Variants in RPP14 observed in about 807,000 individuals in gnomAD.
The protein encoded by RPP14 is ribonuclease P protein subunit p14.
Under a neutral mutation model 17.8 loss-of-function variants are expected in RPP14, and 19 were observed. That is an observed-to-expected ratio of 1.07 (90% CI 0.74 to 1.57). RPP14 has a LOEUF of 1.57. RPP14 is among the 40% of genes most tolerant of loss of function. The pLI, the probability that RPP14 is intolerant of heterozygous loss-of-function variation, is 0.00. For missense variants in RPP14, 125 were observed against 140.8 expected (o/e 0.89, Z 0.57); for synonymous variants, 60 against 56.4 (o/e 1.06, Z -0.29).
At chr3:58,311,347 G>A (rs2097482047) in intron 3 of RPP14, among the ~76,000 whole-genome samples, 1 of 152,190 alleles carries the variant, frequency 6.6e-6, no homozygotes, top group Admixed American at 6.5e-5. Flanking sequence ...TAGAGACAGG[G>A]TTTCGTCATG....
intron 3 of RPP14, among the ~76,000 whole-genome samples, chr3:58,311,772 C>T (rs776299935): frequency 5.9e-5 from 9 of 152,020 alleles, no homozygotes; most frequent in Non-Finnish European, 1.2e-4. Context: ...AGCCACTATG[C>T]CCAGCTGCAC....
intron 1 of RPP14, chr3:58,307,807 G>T (rs561893457): frequency 6.6e-6 from 1 of 151,862 alleles, no homozygotes; most frequent in African/African-American, 2.4e-5. Flanking sequence ...AATTTCCCAG[G>T]TATCCTCTCC....
At chr3:58,314,344 C>T (rs1291144927) in intron 3 of RPP14, among the ~76,000 whole-genome samples, 1 of 152,070 alleles carries the variant, frequency 6.6e-6, no homozygotes, top group African/African-American at 2.4e-5. Flanking sequence ...GAGAGAGACT[C>T]TGTCTCAAAA....
chr3:58,310,191 G>A, intron 1 of RPP14, 118 bp from the exon 2 acceptor site: 1 of 709,642 alleles, frequency 1.4e-6, no homozygotes, highest in Non-Finnish European at 2.4e-6. Flanking sequence ...TAGGTGACAG[G>A]GTGAGACCCT....
Position 58,310,410 on chromosome 3 carries a change from A to G in RPP14, c.77+4A>G. 2 of 1,613,574 alleles carry G rather than the reference A, an allele frequency of 1.2e-6. No homozygotes were observed. The highest frequency in any genetic ancestry group is 1.7e-6 in the Non-Finnish European group (2 of 1,179,556). ...ACCACTACATGAAAGTCTGCCTGTA[A>G]GTTTAGTTTCCTAAGTTCTATTTTA... On this transcript the variant is annotated splice_donor_region_variant and intron_variant, in intron 2 of 5. Coordinates refer to ENST00000295959, the MANE Select transcript of RPP14 (RefSeq NM_007042.6).
intron 1 of RPP14, 163 bp from the exon 2 acceptor site, chr3:58,310,146 G>A: frequency 1.7e-6 from 1 of 592,748 alleles, no homozygotes; most frequent in Non-Finnish European, 3.0e-6. Context: ...GGTGGAGGCT[G>A]CAGTGAACTC....
chr3:58,311,109 T>C (rs2097481742), intron 3 of RPP14, among the ~76,000 whole-genome samples: 1 of 151,546 alleles, frequency 6.6e-6, no homozygotes, highest in South Asian at 2.1e-4. Context: ...ATCACCAATC[T>C]ACTTTCTATC....
chr3:58,314,243 C>G (rs575572880), intron 3 of RPP14, among the ~76,000 whole-genome samples: 4 of 152,072 alleles, frequency 2.6e-5, no homozygotes, highest in Admixed American at 6.6e-5. Flanking sequence ...CCCAGCTACT[C>G]GGGAGGTTAA....
chr3:58,309,176 A>G (rs1310037811), intron 1 of RPP14, among the ~76,000 whole-genome samples: 1 of 152,178 alleles, frequency 6.6e-6, no homozygotes, highest in East Asian at 1.9e-4. Context: ...TTCTGTGTTG[A>G]CTGAGAGTAA....
chr3:58,318,345 G>T lies in RPP14; in HGVS notation c.*849G>T. The T allele has an allele frequency of 2.4e-6, 1 of 420,002 alleles. No homozygotes were observed. The highest frequency in any genetic ancestry group is 4.2e-6 in the Non-Finnish European group (1 of 238,434). 26.0% of individuals were successfully genotyped at this position (420,002 alleles called of 1,614,324 possible). The stretch of plus-strand genomic sequence containing the variant: ...ATTTCATTATCTGCCTGGGTTTTTT[G>T]TTTGTTTTTTGTTTTTTAATTCAAG... On this transcript the variant is annotated 3_prime_UTR_variant, in exon 6 of 6. Coordinates refer to ENST00000295959, the MANE Select transcript of RPP14 (RefSeq NM_007042.6).
At chr3:58,307,978 G>A (rs1191078307) in intron 1 of RPP14, 1 of 151,386 alleles carries the variant, frequency 6.6e-6, no homozygotes, top group African/African-American at 2.4e-5. Flanking sequence ...CGTGAATGTT[G>A]TGTAAGTCTT....
intron 5 of RPP14, among the ~76,000 whole-genome samples, 185 bp downstream of exon 5, chr3:58,317,178 TG>T (rs1301011783): frequency 6.6e-6 from 1 of 152,242 alleles, no homozygotes; most frequent in Non-Finnish European, 1.5e-5. Context: ...TTAAAATCTA[TG>T]GGAGATGTTT....
chr3:58,310,581 T>TGTTTGG lies in RPP14; in HGVS notation c.154_159dup (p.Phe52_Gly53dup), dbSNP rs1455482948. On this transcript the variant is annotated inframe_insertion, in exon 3 of 6. Coordinates refer to ENST00000295959, the MANE Select transcript of RPP14 (RefSeq NM_007042.6). Reference sequence around the variant, plus strand: ...CTGCTTATTTCGGCTGTGAAGGACCTGTTTGGGGAGGTATGGAATCACTTG... The same window carrying TGTTTGG: ...CTGCTTATTTCGGCTGTGAAGGACCTGTTTGGGTTTGGGGAGGTATGGAATCACTTG... 1.2e-6 allele frequency: 2 copies of TGTTTGG among 1,612,054 alleles called. No homozygotes were observed. Among genetic ancestry groups the TGTTTGG allele is most frequent in the Non-Finnish European group, 1.7e-6 (2 of 1,179,190 alleles).
intron 3 of RPP14, among the ~76,000 whole-genome samples, chr3:58,313,684 G>GT (rs1168071918): frequency 2.0e-5 from 3 of 152,210 alleles, no homozygotes; most frequent in Admixed American, 6.5e-5. Context: ...ATTGAGCTGG[G>GT]TGTGGTGGTG....
Position 58,318,052 on chromosome 3 carries a change from A to G in RPP14, c.*556A>G. 1 of 693,496 alleles carries G rather than the reference A, an allele frequency of 1.4e-6. No individual in the cohort carries two copies. The highest frequency in any genetic ancestry group is 2.6e-6 in the Non-Finnish European group (1 of 382,494). The allele number at this position is 693,496 out of a possible 1,614,324, so 43.0% of individuals were successfully genotyped here. A position where few individuals can be genotyped will look rare whatever the true frequency, so the allele number is the denominator to read the frequency against. On this transcript the variant is annotated 3_prime_UTR_variant, in exon 6 of 6. Transcript: ENST00000295959. ...TATTATTGCAGTGTCATGTTCTGTA[A>G]TAGAAAGTAAAAAGACTGTTATGGA...
At chr3:58,312,332 G>GCCCCCC (rs1217680908) in intron 3 of RPP14, among the ~76,000 whole-genome samples, 2 of 85,368 alleles carry the variant, frequency 2.3e-5, no homozygotes, top group African/African-American at 4.1e-5. Context: ...CACAACCTCC[G>GCCCCCC]CACCCCCCCC....
chr3:58,317,461 T>C lies in RPP14; in HGVS notation c.340T>C (p.Leu114=). The C allele has an allele frequency of 1.9e-6, 3 of 1,601,922 alleles. No individual in the cohort carries two copies. Among genetic ancestry groups the C allele is most frequent in the Non-Finnish European group, 2.6e-6 (3 of 1,169,950 alleles). The stretch of plus-strand genomic sequence containing the variant: ...CTAGGTTTCTCCATTTCTTCTTGCA[T>C]TATCTGGTAATAGTAGGGAACTAGT... ...VIQVSPFLLA[L]SGNSRELVLD is the part of the protein sequence containing the mutation. Residue 114 remains leucine (L), a synonymous_variant, in exon 6 of 6, where the codon TTA becomes CTA. Coordinates refer to ENST00000295959, the MANE Select transcript of RPP14 (RefSeq NM_007042.6).
intron 1 of RPP14, among the ~76,000 whole-genome samples, chr3:58,309,389 G>A (rs2107499688): frequency 6.6e-6 from 1 of 152,312 alleles, no homozygotes; most frequent in South Asian, 2.1e-4. Flanking sequence ...TACCTCAGGA[G>A]CATTTTGAAG....
chr3:58,315,639 T>G (rs1164140991), intron 3 of RPP14: 1 of 152,240 alleles, frequency 6.6e-6, no homozygotes, highest in Admixed American at 6.5e-5. Context: ...GGAGGCTGGA[T>G]GAAGAGTGCA....
Sources: gnomAD v4.1 joint callset for allele counts (sites outside exome capture counted in the v4.1 genomes callset) on GRCh38, gnomAD v4.1.1 for gene constraint, MANE v1.5 for transcripts, NCBI Gene and HGNC (gene_info 2026-07-23, HGNC 2026-07-21) for gene names.